Variants in NLRP13 observed in about 807,000 individuals in gnomAD.
The protein encoded by NLRP13 is NLR family pyrin domain containing 13.
In NLRP13, 82 loss-of-function variants were observed where a neutral mutation model predicts 94.4. That is an observed-to-expected ratio of 0.87 (90% CI 0.73 to 1.04). The LOEUF (loss-of-function observed/expected upper bound fraction) is 1.04, where lower values mean the gene tolerates loss of function less well. NLRP13 is among the 50% of genes least tolerant of loss of function. The probability of loss-of-function intolerance (pLI) is 0.00; values close to 1 mark genes in which losing one functional copy is unlikely to be tolerated. For missense variants in NLRP13, 1,426 were observed against 1,230.8 expected (o/e 1.16, Z -2.37); for synonymous variants, 553 against 464.7 (o/e 1.19, Z -2.45).
chr19:55,902,680 G>A (rs1305466315), intron 8 of NLRP13, among the ~76,000 whole-genome samples: 1 of 152,172 alleles, frequency 6.6e-6, no homozygotes, highest in Non-Finnish European at 1.5e-5. Flanking sequence ...CAAACAGGCA[G>A]TGTACAGGTT....
chr19:55,904,819 A>G (rs1280002464), intron 8 of NLRP13, 123 bp downstream of exon 8: 1 of 788,674 alleles, frequency 1.3e-6, no homozygotes, highest in African/African-American at 1.7e-5. Context: ...TTCCTGGCAC[A>G]TAGTAATTAC....
intron 7 of NLRP13, 143 bp from the exon 8 acceptor site, chr19:55,905,255 A>C: frequency 1.2e-4 from 107 of 921,970 alleles, no homozygotes; most frequent in Non-Finnish European, 1.5e-4. Context: ...AAGAAGGAGA[A>C]AAAGGGCCAG....
At chr19:55,920,748 T>C (rs776137663) in intron 4 of NLRP13, among the ~76,000 whole-genome samples, 5 of 151,988 alleles carry the variant, frequency 3.3e-5, no homozygotes, top group East Asian at 1.9e-4. Flanking sequence ...AGTATCACTA[T>C]TGGGTATCTA....
chr19:55,924,352 A>G (rs1268951529), intron 3 of NLRP13, among the ~76,000 whole-genome samples: 4 of 152,098 alleles, frequency 2.6e-5, no homozygotes, highest in African/African-American at 9.7e-5. Flanking sequence ...CAAACTCTTG[A>G]CTTCAAGTGA....
At chr19:55,901,281 C>T (rs2123107024) in intron 9 of NLRP13, among the ~76,000 whole-genome samples, 1 of 152,320 alleles carries the variant, frequency 6.6e-6, no homozygotes, top group East Asian at 1.9e-4. Context: ...AAGTTTTTAT[C>T]CCTGATGCAA....
At chr19:55,925,214 G>T (rs1986939246) in intron 1 of NLRP13, among the ~76,000 whole-genome samples, 179 bp from the exon 2 acceptor site, 1 of 152,232 alleles carries the variant, frequency 6.6e-6, no homozygotes, top group African/African-American at 2.4e-5. Flanking sequence ...ACTCTGGAAA[G>T]TCCACAGCAC....
chr19:55,923,946 T>C lies in NLRP13; in HGVS notation c.491A>G (p.Asn164Ser). Residue 164 changes from asparagine to serine, a missense_variant, in exon 4 of 11, where the codon AAC becomes AGC. Transcript: ENST00000342929. ...NVQAQGCQDP[N>S]QEEPEMLEEA... is the part of the protein sequence containing the mutation. ...CTCTAGCATCTCTGGTTCTTCTTGG[T>C]TTGGATCTTGGCATCCCTGGGCCTG... 1 of 1,613,968 alleles carries C rather than the reference T, an allele frequency of 6.2e-7. No individual in the cohort carries two copies. The highest frequency in any genetic ancestry group is 8.5e-7 in the Non-Finnish European group (1 of 1,179,866).
chr19:55,909,350 C>T (rs1419483184), intron 6 of NLRP13, among the ~76,000 whole-genome samples: 1 of 152,186 alleles, frequency 6.6e-6, no homozygotes, highest in East Asian at 1.9e-4. Flanking sequence ...AGAGAGGACC[C>T]TCCCCCTGCT....
At chr19:55,893,109 C>T (rs1228823010), downstream of NLRP13, among the ~76,000 whole-genome samples, 1 of 152,086 alleles carries the variant, frequency 6.6e-6, no homozygotes, top group Admixed American at 6.6e-5. Context: ...GTAATGGCGG[C>T]CAGGCATGGT....
downstream of NLRP13, among the ~76,000 whole-genome samples, chr19:55,893,069 C>G (rs1038701928): frequency 6.6e-6 from 1 of 152,088 alleles, no homozygotes; most frequent in Non-Finnish European, 1.5e-5. Context: ...AAGGTTTAGA[C>G]AAAAGTAATT....
downstream of NLRP13, chr19:55,895,868 C>G: frequency 6.6e-7 from 1 of 1,504,644 alleles, no homozygotes; most frequent in Non-Finnish European, 9.0e-7. Flanking sequence ...GCAATGGAAA[C>G]CTGACACATG....
At chr19:55,893,257 A>G (rs908819501), downstream of NLRP13, among the ~76,000 whole-genome samples, 26 of 152,104 alleles carry the variant, frequency 1.7e-4, no homozygotes, top group African/African-American at 6.3e-4. Flanking sequence ...GTGTGGTGGC[A>G]CGTGCCTGTA....
At chr19:55,907,756 A>AC (rs764747486) in intron 7 of NLRP13, 36 bp downstream of exon 7, 130 of 1,606,178 alleles carry the variant, frequency 8.1e-5, no homozygotes, top group Non-Finnish European at 9.1e-5. Flanking sequence ...TGGTCTTGCA[A>AC]CCCCCCTTGA....
At chr19:55,898,317 C>T (rs1420574697) in intron 10 of NLRP13, among the ~76,000 whole-genome samples, 3 of 150,922 alleles carry the variant, frequency 2.0e-5, no homozygotes, top group Admixed American at 1.3e-4. Flanking sequence ...TCAAGCGATT[C>T]TCCTGCCTCA....
downstream of NLRP13, among the ~76,000 whole-genome samples, chr19:55,893,600 A>G (rs1260541784): frequency 5.3e-5 from 8 of 152,250 alleles, no homozygotes. Flanking sequence ...CCATAGAGAA[A>G]AGGCACAACC....
intron 8 of NLRP13, among the ~76,000 whole-genome samples, chr19:55,902,571 C>T (rs1162450395): frequency 1.3e-5 from 2 of 152,224 alleles, no homozygotes; most frequent in Non-Finnish European, 1.5e-5. Context: ...GCACTCCTTT[C>T]AGCCTTCATT....
chr19:55,909,166 G>A (rs1182084717), intron 6 of NLRP13, among the ~76,000 whole-genome samples: 1 of 152,114 alleles, frequency 6.6e-6, no homozygotes, highest in Admixed American at 6.6e-5. Context: ...TCAAAGCTAC[G>A]CATTACTCTC....
downstream of NLRP13, chr19:55,892,168 G>T (rs1367854947): frequency 6.5e-6 from 8 of 1,225,596 alleles, no homozygotes; most frequent in Non-Finnish European, 7.1e-6. Flanking sequence ...AAGAAGTTTA[G>T]AAGTAATTTT....
intron 1 of NLRP13, among the ~76,000 whole-genome samples, chr19:55,926,831 A>C (rs914964000): frequency 2.0e-5 from 3 of 152,134 alleles, no homozygotes; most frequent in Non-Finnish European, 4.4e-5. Context: ...GTAATTTTAA[A>C]CTTTTATGTA....
Sources: gnomAD v4.1 joint callset for allele counts (sites outside exome capture counted in the v4.1 genomes callset) on GRCh38, gnomAD v4.1.1 for gene constraint, MANE v1.5 for transcripts, NCBI Gene and HGNC (gene_info 2026-07-23, HGNC 2026-07-21) for gene names.